ELOVL6: variants seen among roughly 807,000 people sequenced by gnomAD.
ELOVL6 encodes very long chain fatty acid elongase 6.
ELOVL6 carries 8 observed loss-of-function variants against 31.7 expected under a neutral mutation model. The observed-to-expected ratio is 0.25, with a 90% CI of 0.15 to 0.45. ELOVL6 has a LOEUF of 0.45. Ranked by LOEUF, ELOVL6 falls within the 20% of genes least tolerant of loss-of-function variation. The pLI, the probability that ELOVL6 is intolerant of heterozygous loss-of-function variation, is 1.00. For missense variants in ELOVL6, 126 were observed against 326.4 expected, an observed-to-expected ratio of 0.39 and a Z score of 4.73; for synonymous variants, 101 against 117.7, an observed-to-expected ratio of 0.86 and a Z score of 0.92.
At chr4:110,135,333 A>G (rs1757782455) in intron 1 of ELOVL6, among the ~76,000 whole-genome samples, 2 of 152,216 alleles carry the variant, frequency 1.3e-5, no homozygotes, top group Non-Finnish European at 2.9e-5. Flanking sequence ...AGATAAAGAA[A>G]TGCAGCACAT....
intron 1 of ELOVL6, among the ~76,000 whole-genome samples, chr4:110,158,632 C>CGT (rs1553961426): frequency 0.023 from 1,140 of 50,450 alleles, 22 homozygotes; most frequent in African/African-American, 0.078. Context: ...CATATATACA[C>CGT]GTGTATATAT....
chr4:110,071,736 C>T (rs2126227213), intron 2 of ELOVL6, among the ~76,000 whole-genome samples: 1 of 152,364 alleles, frequency 6.6e-6, no homozygotes, highest in African/African-American at 2.4e-5. Context: ...CTCCAGAGCA[C>T]TGGAGCAAGG....
In ELOVL6 at chr4:110,175,716, ATTAC is replaced by A. The variant is rs1759083237; in HGVS notation, c.89+22527_89+22530del. 2.0e-5 allele frequency among the ~76,000 whole-genome samples: 3 copies of A among 152,312 alleles called. No homozygotes were observed. In the East Asian group the frequency reaches 5.8e-4, roughly 29 times the overall value. ...TCAGGCAGTCTAGCCCTAGAGTTACATTACATCTATCATCCCTCTTTATGATGTT... is the reference window on the plus strand; with the variant it reads ...TCAGGCAGTCTAGCCCTAGAGTTACAATCTATCATCCCTCTTTATGATGTT... On this transcript the variant is annotated intron_variant, in intron 1 of 3. Coordinates refer to ENST00000302274, the MANE Select transcript of ELOVL6 (RefSeq NM_024090.3).
chr4:110,171,387 C>T (rs902221476), intron 1 of ELOVL6, among the ~76,000 whole-genome samples: 2 of 150,718 alleles, frequency 1.3e-5, no homozygotes, highest in Non-Finnish European at 2.9e-5. Flanking sequence ...CCAGCCTGGG[C>T]AACAAGAGTG....
In ELOVL6 at chr4:110,050,843, G is replaced by GATAT. The variant is rs537457824; in HGVS notation, c.*491_*494dup. 8.8e-4 allele frequency: 140 copies of GATAT among 159,928 alleles called. 2 individuals carry two copies. In the East Asian group the frequency reaches 0.02, roughly 22 times the overall value. The allele number at this position is 159,928 out of a possible 1,614,324, so 9.9% of individuals were successfully genotyped here. ...TTTCTGCAAAAGCATTATCGTTCTAGATATACACCCTGTGTCTCTTTCATT... is the reference window on the plus strand; with the variant it reads ...TTTCTGCAAAAGCATTATCGTTCTAGATATATATACACCCTGTGTCTCTTTCATT... On this transcript the variant is annotated 3_prime_UTR_variant, in exon 4 of 4. Coordinates refer to ENST00000302274, the MANE Select transcript of ELOVL6 (RefSeq NM_024090.3).
At position 110,080,542 on chromosome 4, in the gene ELOVL6, C is replaced by T. The variant is rs183774236; in HGVS notation, c.222-20788G>A. ...AAAGGCCTTTGACAAAATTCAACAG[C>T]GCTTCATGCTAAAAACTCTCAATAG... On this transcript the variant is annotated intron_variant, in intron 2 of 3. Transcript: ENST00000302274. 2.9e-3 allele frequency among the ~76,000 whole-genome samples: 441 copies of T among 152,254 alleles called. 2 individuals carry two copies. Among genetic ancestry groups the T allele is most frequent in the South Asian group, 8.7e-3 (42 of 4,814 alleles).
Position 110,082,692 on chromosome 4 carries a change from T to C in ELOVL6, c.221+22805A>G, listed in dbSNP as rs544829735. On this transcript the variant is annotated intron_variant, in intron 2 of 3. Coordinates refer to ENST00000302274, the MANE Select transcript of ELOVL6 (RefSeq NM_024090.3). ...CACACCAACATGGCACATGTATACATATGTAACAAACCTGCACATTGTGCA... is the reference window on the plus strand; with the variant it reads ...CACACCAACATGGCACATGTATACACATGTAACAAACCTGCACATTGTGCA... Among the ~76,000 whole-genome samples, 9 of 152,212 alleles carry C rather than the reference T, an allele frequency of 5.9e-5. No homozygotes were observed. The East Asian group carries it at 1.5e-3, about 26-fold the overall frequency.
chr4:110,167,911 C>T (rs369602102), intron 1 of ELOVL6, among the ~76,000 whole-genome samples: 10 of 152,234 alleles, frequency 6.6e-5, no homozygotes, highest in African/African-American at 1.4e-4. Flanking sequence ...TTGTACAAAA[C>T]TTTCTGAGGC....
intron 1 of ELOVL6, among the ~76,000 whole-genome samples, chr4:110,114,254 T>G (rs1440688275): frequency 6.6e-6 from 1 of 152,196 alleles, no homozygotes; most frequent in African/African-American, 2.4e-5. Context: ...GCATTAGTCA[T>G]CTATTTTCCT....
intron 2 of ELOVL6, among the ~76,000 whole-genome samples, chr4:110,100,490 G>GT (rs140873672): frequency 0.093 from 14,117 of 151,088 alleles, 749 homozygotes; most frequent in East Asian, 0.18. Context: ...TCTTTTGTTT[G>GT]TTTTTTTTTA....
chr4:110,172,764 G>GT (rs1758992041), intron 1 of ELOVL6, among the ~76,000 whole-genome samples: 1 of 152,186 alleles, frequency 6.6e-6, no homozygotes, highest in African/African-American at 2.4e-5. Flanking sequence ...TCTTGCTGAT[G>GT]TTTTTTACTG....
Position 110,115,569 on chromosome 4 carries a change from A to C in ELOVL6, c.90-9941T>G, listed in dbSNP as rs547314183. 2.2e-3 allele frequency among the ~76,000 whole-genome samples: 340 copies of C among 152,176 alleles called. 1 individual carries two copies. The highest frequency in any genetic ancestry group is 7.8e-3 in the African/African-American group (323 of 41,496). On this transcript the variant is annotated intron_variant, in intron 1 of 3. Transcript: ENST00000302274. The stretch of plus-strand genomic sequence containing the variant: ...GGCCAGCCTGGGTAATATGGTGAGA[A>C]CCTGTCTCTACAAAAAAAAACTTCC...
At chr4:110,088,143 C>A (rs1756322118) in intron 2 of ELOVL6, among the ~76,000 whole-genome samples, 1 of 152,218 alleles carries the variant, frequency 6.6e-6, no homozygotes. Flanking sequence ...GCCCTTCAGT[C>A]ATTCCCAAAG....
intron 1 of ELOVL6, among the ~76,000 whole-genome samples, chr4:110,170,221 A>G (rs1450654247): frequency 6.6e-6 from 1 of 152,228 alleles, no homozygotes; most frequent in East Asian, 1.9e-4. Flanking sequence ...CTATATGAAA[A>G]TAAAGTTCCC....
At chr4:110,078,843 C>A (rs1176094986) in intron 2 of ELOVL6, among the ~76,000 whole-genome samples, 1 of 152,056 alleles carries the variant, frequency 6.6e-6, no homozygotes, top group Non-Finnish European at 1.5e-5. Context: ...TTCAGGAAAC[C>A]CATCTCATGT....
At chr4:110,130,145 C>A (rs774959439) in intron 1 of ELOVL6, among the ~76,000 whole-genome samples, 2 of 152,006 alleles carry the variant, frequency 1.3e-5, no homozygotes, top group Admixed American at 6.6e-5. Flanking sequence ...ACCCGCCCAC[C>A]TCGGCCTCCC....
chr4:110,186,864 A>C (rs933314735), intron 1 of ELOVL6, among the ~76,000 whole-genome samples: 2 of 144,420 alleles, frequency 1.4e-5, no homozygotes, highest in African/African-American at 5.1e-5. Flanking sequence ...TACACACACA[A>C]ATATATACAT....
chr4:110,080,230 A>T (rs1357748747), intron 2 of ELOVL6, among the ~76,000 whole-genome samples: 1 of 152,224 alleles, frequency 6.6e-6, no homozygotes, highest in Non-Finnish European at 1.5e-5. Context: ...AATCCTTCCT[A>T]ACTCATTTTA....
At chr4:110,091,525 C>G (rs1443609014) in intron 2 of ELOVL6, among the ~76,000 whole-genome samples, 1 of 152,164 alleles carries the variant, frequency 6.6e-6, no homozygotes, top group African/African-American at 2.4e-5. Flanking sequence ...AGCATAAACT[C>G]CAACTTAAAG....
Sources: gnomAD v4.1 joint callset for allele counts (sites outside exome capture counted in the v4.1 genomes callset) on GRCh38, gnomAD v4.1.1 for gene constraint, MANE v1.5 for transcripts, NCBI Gene and HGNC (gene_info 2026-07-23, HGNC 2026-07-21) for gene names.